The following DISC1 variants were observed in gnomAD, a reference collection of about 807,000 sequenced individuals.
DISC1 encodes the protein DISC1 scaffold protein, also known as disrupted in schizophrenia 1 protein.
In DISC1, 57 loss-of-function variants were observed where a neutral mutation model predicts 84.5. The observed-to-expected ratio is 0.67, with a 90% CI of 0.55 to 0.84. The LOEUF is 0.84. Ranked by LOEUF, DISC1 falls within the 40% of genes least tolerant of loss-of-function variation. DISC1 has a pLI of 0.00. For synonymous variants in DISC1, 411 were observed against 415.2 expected (o/e 0.99, Z 0.12); for missense variants, 1,000 against 1,057.8 (o/e 0.95, Z 0.76).
At chr1:231,638,384 T>C (rs1444629517) in intron 1 of DISC1, among the ~76,000 whole-genome samples, 1 of 152,218 alleles carries the variant, frequency 6.6e-6, no homozygotes, top group Non-Finnish European at 1.5e-5. Flanking sequence ...GCCTGTGCTT[T>C]TGAGGTCTTA....
intron 9 of DISC1, among the ~76,000 whole-genome samples, chr1:231,874,552 T>C (rs2085720372): frequency 1.3e-5 from 2 of 152,270 alleles, no homozygotes; most frequent in South Asian, 4.1e-4. Context: ...TCAAAAACAC[T>C]TGTTTTCATA....
rs372675500 is a variant in DISC1, at chr1:231,840,771, G to A, written c.1981+22254G>A. On this transcript the variant is annotated intron_variant, in intron 9 of 12. Transcript: ENST00000439617. ...CACCCAGGCTGGAGTGCAGTGGCGC[G>A]ATCTCAGCTCACTGCAAGCTCCGCC... is the stretch of plus-strand genomic sequence containing the variant. Among the ~76,000 whole-genome samples, 26 of 151,988 alleles carry A rather than the reference G, an allele frequency of 1.7e-4. 2 individuals are homozygous for A. Among genetic ancestry groups the A allele is most frequent in the African/African-American group, 5.3e-4 (22 of 41,484 alleles).
chr1:231,998,130 G>T (rs1385436827), intron 10 of DISC1, among the ~76,000 whole-genome samples: 2 of 152,198 alleles, frequency 1.3e-5, no homozygotes, highest in African/African-American at 4.8e-5. Flanking sequence ...TTCAGTAAAT[G>T]CATTGAATGC....
At chr1:231,925,612 G>T (rs558425290) in intron 9 of DISC1, among the ~76,000 whole-genome samples, 1 of 152,302 alleles carries the variant, frequency 6.6e-6, no homozygotes, top group African/African-American at 2.4e-5. Context: ...CCTGATACCT[G>T]TGAATGTGAC....
intron 3 of DISC1, among the ~76,000 whole-genome samples, chr1:231,735,752 A>C (rs1475789658): frequency 6.6e-6 from 1 of 152,204 alleles, no homozygotes; most frequent in Non-Finnish European, 1.5e-5. Context: ...TGCTCATAAA[A>C]TTGTTGCTAT....
At chr1:231,989,344 A>G (rs1419021061) in intron 10 of DISC1, among the ~76,000 whole-genome samples, 1 of 152,160 alleles carries the variant, frequency 6.6e-6, no homozygotes, top group Non-Finnish European at 1.5e-5. Context: ...ATTTCTTCTA[A>G]TCTTTGGTGA....
intron 9 of DISC1, among the ~76,000 whole-genome samples, chr1:231,911,220 G>A (rs774870586): frequency 2.0e-5 from 3 of 152,068 alleles, no homozygotes; most frequent in Admixed American, 6.6e-5. Context: ...CTGTCATTAC[G>A]ATGTTTGCTG....
chr1:231,681,978 G>A (rs1205513568), intron 1 of DISC1, among the ~76,000 whole-genome samples: 1 of 152,186 alleles, frequency 6.6e-6, no homozygotes, highest in Non-Finnish European at 1.5e-5. Context: ...GGGATTACAG[G>A]CATGAGCCAC....
At chr1:231,634,358 G>T (rs1445602587) in intron 1 of DISC1, among the ~76,000 whole-genome samples, 1 of 152,180 alleles carries the variant, frequency 6.6e-6, no homozygotes, top group Non-Finnish European at 1.5e-5. Flanking sequence ...TAAATACAGA[G>T]ATAAAACGGG....
At chr1:231,758,837 G>T (rs1159252599) in intron 4 of DISC1, among the ~76,000 whole-genome samples, 1 of 152,142 alleles carries the variant, frequency 6.6e-6, no homozygotes, top group African/African-American at 2.4e-5. Context: ...TACACCCCGT[G>T]CATTTTTCCA....
At chr1:231,918,271 G>C (rs1242377343) in intron 9 of DISC1, among the ~76,000 whole-genome samples, 1 of 152,122 alleles carries the variant, frequency 6.6e-6, no homozygotes, top group Non-Finnish European at 1.5e-5. Flanking sequence ...TAATTTGTTT[G>C]TTTTCATCTG....
chr1:231,646,468 C>T (rs12062063), intron 1 of DISC1, among the ~76,000 whole-genome samples: 4,902 of 152,178 alleles, frequency 0.032, 254 homozygotes, highest in African/African-American at 0.11. Context: ...TAAACATAAG[C>T]GTGCATGTGT....
intron 8 of DISC1, among the ~76,000 whole-genome samples, chr1:231,809,661 G>T (rs1261809727): frequency 6.6e-6 from 1 of 151,856 alleles, no homozygotes; most frequent in African/African-American, 2.4e-5. Context: ...CCTAACTGAT[G>T]CTTTTGGGGA....
At chr1:231,798,169 T>A (rs2078922650) in intron 7 of DISC1, among the ~76,000 whole-genome samples, 1 of 146,394 alleles carries the variant, frequency 6.8e-6, no homozygotes. Context: ...TTCTTTAGAC[T>A]CCTGTCTCAG....
intron 12 of DISC1, among the ~76,000 whole-genome samples, chr1:232,029,603 A>G (rs1669806455): frequency 6.6e-6 from 1 of 152,244 alleles, no homozygotes; most frequent in Admixed American, 6.5e-5. Flanking sequence ...GTTTGATTCC[A>G]TTAAGCATGC....
At chr1:231,908,732 T>G (rs1174151910) in intron 9 of DISC1, among the ~76,000 whole-genome samples, 1 of 152,222 alleles carries the variant, frequency 6.6e-6, no homozygotes, top group Non-Finnish European at 1.5e-5. Flanking sequence ...TTGATGCGGA[T>G]GGCATTGAAT....
At chr1:231,660,418 G>T (rs911095225) in intron 1 of DISC1, among the ~76,000 whole-genome samples, 3 of 151,896 alleles carry the variant, frequency 2.0e-5, no homozygotes, top group African/African-American at 7.3e-5. Context: ...TCTTGGCTCT[G>T]TCCAGCTTGC....
chr1:231,702,256 C>T (rs976086475), intron 3 of DISC1: 8 of 1,224,234 alleles, frequency 6.5e-6, no homozygotes, highest in Admixed American at 4.5e-5. Context: ...TGTCCAGAAA[C>T]ACTTAGCATA....
intron 10 of DISC1, among the ~76,000 whole-genome samples, chr1:231,960,569 A>G (rs1196369565): frequency 6.6e-6 from 1 of 152,182 alleles, no homozygotes; most frequent in Non-Finnish European, 1.5e-5. Flanking sequence ...TCTTTATATC[A>G]TTAGAACTGA....
Sources: allele counts gnomAD v4.1 joint callset (sites outside exome capture counted in the v4.1 genomes callset), GRCh38; gene constraint gnomAD v4.1.1; transcripts MANE v1.5; gene names NCBI Gene and HGNC (gene_info 2026-07-23, HGNC 2026-07-21).